PBX1: variants seen among roughly 807,000 people sequenced by gnomAD.
The protein encoded by PBX1 is pre-B-cell leukemia transcription factor 1.
In PBX1, 6 loss-of-function variants were observed where a neutral mutation model predicts 53.4. That is an observed-to-expected ratio of 0.11 (90% CI 0.06 to 0.22). The LOEUF (loss-of-function observed/expected upper bound fraction) is 0.22. Ranked by LOEUF, PBX1 falls within the 10% of genes least tolerant of loss-of-function variation. The pLI is 1.00. For missense variants in PBX1, 251 were observed against 551.4 expected, an observed-to-expected ratio of 0.46 and a Z score of 5.46; for synonymous variants, 204 against 212.3, an observed-to-expected ratio of 0.96 and a Z score of 0.34.
chr1:164,712,276 C>A (rs928601103), intron 2 of PBX1, among the ~76,000 whole-genome samples: 2 of 151,718 alleles, frequency 1.3e-5, no homozygotes, highest in Non-Finnish European at 2.9e-5. Flanking sequence ...ATGAAGTGTC[C>A]GTCAGCGGCT....
chr1:164,791,805 A>G (rs761107704), intron 2 of PBX1, among the ~76,000 whole-genome samples: 2 of 152,156 alleles, frequency 1.3e-5, no homozygotes, highest in Non-Finnish European at 2.9e-5. Flanking sequence ...GGTAAAATAT[A>G]TATAAGATAG....
intron 2 of PBX1, among the ~76,000 whole-genome samples, chr1:164,727,193 A>G (rs1212118557): frequency 6.6e-6 from 1 of 152,222 alleles, no homozygotes; most frequent in Admixed American, 6.5e-5. Flanking sequence ...ATGTAATGAA[A>G]TTCAGTAATT....
chr1:164,687,788 G>A (rs1662208998), intron 2 of PBX1, among the ~76,000 whole-genome samples: 1 of 152,164 alleles, frequency 6.6e-6, no homozygotes, highest in Non-Finnish European at 1.5e-5. Flanking sequence ...TTGGCTTCTG[G>A]CACTTAGTTC....
At chr1:164,630,157 C>T (rs989670093) in intron 2 of PBX1, among the ~76,000 whole-genome samples, 1 of 152,118 alleles carries the variant, frequency 6.6e-6, no homozygotes, top group Non-Finnish European at 1.5e-5. Context: ...ACGTGGCTGA[C>T]GTTGTGGTTT....
intron 4 of PBX1, among the ~76,000 whole-genome samples, chr1:164,801,075 G>T (rs1366765999): frequency 6.6e-6 from 1 of 151,696 alleles, no homozygotes; most frequent in Non-Finnish European, 1.5e-5. Context: ...TTTAGTCAAT[G>T]TGTTTTGGGT....
intron 2 of PBX1, among the ~76,000 whole-genome samples, chr1:164,857,187 AAAATTGGGAGGTCTCATGACTCCCTCCTC>A (rs1314988611): frequency 6.6e-6 from 1 of 152,172 alleles, no homozygotes; most frequent in Non-Finnish European, 1.5e-5. Context: ...TGACTGGCTA[AAAATTGGGAGGTCTCATGACTCCCTCCTC>A]AAATTCAATA....
At chr1:164,751,458 G>C (rs1240217787) in intron 2 of PBX1, among the ~76,000 whole-genome samples, 1 of 151,964 alleles carries the variant, frequency 6.6e-6, no homozygotes, top group Non-Finnish European at 1.5e-5. Context: ...CTTCTTTTAA[G>C]TCAGACCTTA....
At chr1:164,653,252 C>T (rs563427269) in intron 2 of PBX1, among the ~76,000 whole-genome samples, 1 of 152,090 alleles carries the variant, frequency 6.6e-6, no homozygotes, top group African/African-American at 2.4e-5. Context: ...TGAGATTTAT[C>T]TGTGTTATTG....
At chr1:164,852,893 G>C (rs997742032), downstream of PBX1, among the ~76,000 whole-genome samples, 1 of 152,120 alleles carries the variant, frequency 6.6e-6, no homozygotes, top group African/African-American at 2.4e-5. Context: ...ATATACTTAC[G>C]GGAGCAAGCA....
intron 8 of PBX1, chr1:164,829,289 T>A (rs2102384585): frequency 6.6e-6 from 1 of 152,362 alleles, no homozygotes; most frequent in African/African-American, 2.4e-5. Flanking sequence ...TCCTATCAAC[T>A]ATAAATATAT....
Position 164,875,988 on chromosome 1 carries a change from G to GTATATATATATA in PBX1, n.258-23193_258-23182dup, listed in dbSNP as rs369277110. ...ATACCTATATATATTTGGTGTATGT[G>GTATATATATATA]TATATATATATATATATACACACAT... is the stretch of plus-strand genomic sequence containing the variant. On this transcript the variant is annotated intron_variant and non_coding_transcript_variant, in intron 2 of 2. Coordinates refer to the PBX1 transcript ENST00000558796. 3.6e-3 allele frequency among the ~76,000 whole-genome samples: 207 copies of GTATATATATATA among 56,794 alleles called. 18 individuals are homozygous for GTATATATATATA. In the East Asian group the frequency reaches 0.041, roughly 11 times the overall value. The allele number at this position is 56,794 out of a possible 152,430, so 37.3% of individuals were successfully genotyped here.
At chr1:164,879,868 G>A (rs1672604757) in intron 2 of PBX1, among the ~76,000 whole-genome samples, 1 of 152,100 alleles carries the variant, frequency 6.6e-6, no homozygotes, top group Admixed American at 6.6e-5. Context: ...GTACTTAAGG[G>A]GGAAAAGAAC....
At chr1:164,855,893 A>C (rs1671966056), downstream of PBX1, among the ~76,000 whole-genome samples, 1 of 152,188 alleles carries the variant, frequency 6.6e-6, no homozygotes, top group Admixed American at 6.5e-5. Context: ...AAATTCAAAA[A>C]TGTAAAATGG....
At chr1:164,696,640 C>T (rs925749230) in intron 2 of PBX1, among the ~76,000 whole-genome samples, 1 of 152,146 alleles carries the variant, frequency 6.6e-6, no homozygotes, top group African/African-American at 2.4e-5. Flanking sequence ...ATAAGGAAAT[C>T]AGGGAAGGGA....
chr1:164,658,684 A>G (rs1193330365), intron 2 of PBX1, among the ~76,000 whole-genome samples: 5 of 152,166 alleles, frequency 3.3e-5, no homozygotes, highest in African/African-American at 1.2e-4. Flanking sequence ...TGGATGGGCT[A>G]TTTCACCTCT....
At chr1:164,753,485 T>C (rs184290326) in intron 2 of PBX1, among the ~76,000 whole-genome samples, 1 of 152,344 alleles carries the variant, frequency 6.6e-6, no homozygotes, top group East Asian at 1.9e-4. Context: ...TTATATCCCC[T>C]CATTTTCTAT....
At chr1:164,798,106 C>A (rs1417685042) in intron 3 of PBX1, among the ~76,000 whole-genome samples, 1 of 152,208 alleles carries the variant, frequency 6.6e-6, no homozygotes, top group African/African-American at 2.4e-5. Context: ...TTCATGGAGG[C>A]AGGGTCAAAA....
intron 2 of PBX1, among the ~76,000 whole-genome samples, chr1:164,584,778 A>G (rs1654842271): frequency 6.6e-6 from 1 of 152,080 alleles, no homozygotes; most frequent in Non-Finnish European, 1.5e-5. Context: ...GGCGGAGGTG[A>G]GGGGGCAGCT....
intron 2 of PBX1, among the ~76,000 whole-genome samples, chr1:164,688,314 T>C (rs889321026): frequency 7.2e-5 from 11 of 152,272 alleles, no homozygotes; most frequent in African/African-American, 2.6e-4. Flanking sequence ...CTCCTATAAG[T>C]AGAGAGAGTT....
Sources: gnomAD v4.1 joint callset for allele counts (sites outside exome capture counted in the v4.1 genomes callset) on GRCh38, gnomAD v4.1.1 for gene constraint, MANE v1.5 for transcripts, NCBI Gene and HGNC (gene_info 2026-07-23, HGNC 2026-07-21) for gene names.